Variants in CCK observed in about 807,000 individuals in gnomAD.
The protein encoded by CCK is cholecystokinin.
In CCK, 11 loss-of-function variants were observed where a neutral mutation model predicts 10.1. The observed-to-expected ratio is 1.09, with a 90% CI of 0.69 to 1.81. The LOEUF (loss-of-function observed/expected upper bound fraction) is 1.81, where lower values mean the gene tolerates loss of function less well. CCK is among the 40% of genes most tolerant of loss of function. CCK has a pLI of 0.00. For synonymous variants in CCK, 83 were observed against 71.9 expected (o/e 1.15, Z -0.78); for missense variants, 137 against 159.9 (o/e 0.86, Z 0.77).
Position 42,258,075 on chromosome 3 carries a change from T to C in CCK, c.*23A>G. 6.2e-7 allele frequency: 1 copy of C among 1,602,414 alleles called. No individual in the cohort carries two copies. Among genetic ancestry groups the C allele is most frequent in the Non-Finnish European group, 8.5e-7 (1 of 1,175,498 alleles). ...TCTGGGTTGGGAGGTTGCTTCCCGTTGGGCTGATGGCGGCTGGGTCCTCTA... is the reference window on the plus strand; with the variant it reads ...TCTGGGTTGGGAGGTTGCTTCCCGTCGGGCTGATGGCGGCTGGGTCCTCTA... On this transcript the variant is annotated 3_prime_UTR_variant, in exon 5 of 5. Coordinates refer to ENST00000396169, the MANE Select transcript of CCK (RefSeq NM_000729.6).
intron 4 of CCK, among the ~76,000 whole-genome samples, chr3:42,261,707 A>G (rs774070508): frequency 1.9e-4 from 29 of 152,020 alleles, no homozygotes; most frequent in Non-Finnish European, 3.7e-4. Flanking sequence ...CCTACATAGA[A>G]GAAAAACCAG....
chr3:42,261,608 C>CTTTTTTTTTTTTTTTTTTT (rs3073696), intron 4 of CCK, among the ~76,000 whole-genome samples: 1 of 145,620 alleles, frequency 6.9e-6, no homozygotes. Flanking sequence ...TGGTAATGAG[C>CTTTTTTTTTTTTTTTTTTT]TTTTTTTTTT....
At chr3:42,264,138 A>C (rs963085893) in intron 3 of CCK, among the ~76,000 whole-genome samples, 1 of 130,272 alleles carries the variant, frequency 7.7e-6, no homozygotes, top group Non-Finnish European at 1.7e-5. Flanking sequence ...TGTAGGAGCA[A>C]TAAATAAAGC....
chr3:42,264,579 C>T (rs1010474762), intron 3 of CCK, 118 bp downstream of exon 3: 2 of 151,996 alleles, frequency 1.3e-5, no homozygotes, highest in Non-Finnish European at 2.9e-5. Context: ...CTTTCGAGCT[C>T]TCGGAGGGAA....
intron 4 of CCK, among the ~76,000 whole-genome samples, chr3:42,259,788 T>C (rs1711187608): frequency 6.6e-6 from 1 of 152,154 alleles, no homozygotes; most frequent in Non-Finnish European, 1.5e-5. Context: ...TCCTGGGGTA[T>C]GAAATCAGCA....
Position 42,263,900 on chromosome 3 carries a change from T to A in CCK, c.-2-268A>T, listed in dbSNP as rs11571846. ...TTTCTGCCGTGTTGAGCAGAAGGAA[T>A]GTTTTTGCTTTCCTAAAGTTTGAGG... On this transcript the variant is annotated intron_variant, in intron 3 of 4. Transcript: ENST00000396169. 1.8e-3 allele frequency: 792 copies of A among 433,428 alleles called. 1 individual carries two copies. The highest frequency in any genetic ancestry group is 2.1e-3 in the Non-Finnish European group (535 of 251,508). The allele number at this position is 433,428 out of a possible 1,614,324, so 26.8% of individuals were successfully genotyped here. A position where few individuals can be genotyped will look rare whatever the true frequency, so the allele number is the denominator to read the frequency against.
rs116825550 is a variant in CCK at position 42,258,133 on chromosome 3, G to A, written c.313C>T (p.Arg105Cys). ...TACTCATACTCCTCGGCACTGCGAC[G>A]GCCAAAATCCATCCAGCCCATGTAG... is the stretch of plus-strand genomic sequence containing the variant. ...RDYMGWMDFG[R>C]RSAEEYEYPS Residue 105 changes from arginine (R) to cysteine (C), a missense_variant, in exon 5 of 5, where the codon CGT becomes TGT. Arg to Cys is a radical substitution (Grantham distance 180, BLOSUM62 -3). Coordinates refer to ENST00000396169, the MANE Select transcript of CCK (RefSeq NM_000729.6). 6.2e-6 allele frequency: 10 copies of A among 1,614,070 alleles called. No homozygotes were observed. Among genetic ancestry groups the A allele is most frequent in the Non-Finnish European group, 6.8e-6 (8 of 1,180,024 alleles).
In CCK at chr3:42,264,141, A is replaced by C. The variant is rs887873308; in HGVS notation, c.-2-509T>G. Among the ~76,000 whole-genome samples, 3 of 112,578 alleles carry C rather than the reference A, an allele frequency of 2.7e-5. No homozygotes were observed. In the South Asian group the frequency reaches 1.0e-3, roughly 39 times the overall value. 73.9% of individuals were successfully genotyped at this position (112,578 alleles called of 152,430 possible). On this transcript the variant is annotated intron_variant, in intron 3 of 4. Coordinates refer to ENST00000396169, the MANE Select transcript of CCK (RefSeq NM_000729.6). ...CACAGTTTAAAATGTAGGAGCAATA[A>C]ATAAAGCCGTATTTATAAAGTTTTT...
intron 4 of CCK, among the ~76,000 whole-genome samples, chr3:42,260,577 G>A (rs56374769): frequency 1.3e-5 from 2 of 152,304 alleles, no homozygotes; most frequent in Non-Finnish European, 1.5e-5. Flanking sequence ...TCCCAGTGCT[G>A]ACATAGAGTA....
intron 4 of CCK, among the ~76,000 whole-genome samples, chr3:42,260,142 C>T (rs1301365945): frequency 6.6e-6 from 1 of 152,212 alleles, no homozygotes; most frequent in Non-Finnish European, 1.5e-5. Context: ...CTCCCCAACC[C>T]CAACCCTTCC....
At chr3:42,263,167 T>C (rs1344839917) in intron 4 of CCK, 5 of 603,896 alleles carry the variant, frequency 8.3e-6, no homozygotes, top group East Asian at 5.8e-5. Context: ...CTTGGTAAAA[T>C]GGTGTTGAAC....
chr3:42,262,511 C>T (rs961364215), intron 4 of CCK, among the ~76,000 whole-genome samples: 1 of 152,178 alleles, frequency 6.6e-6, no homozygotes, highest in African/African-American at 2.4e-5. Flanking sequence ...TGAGCCACTG[C>T]TCCTGGCCTG....
chr3:42,258,279 A>T (rs1459378754), intron 4 of CCK, 48 bp from the exon 5 acceptor site: 5 of 1,594,340 alleles, frequency 3.1e-6, no homozygotes, highest in Non-Finnish European at 4.3e-6. Context: ...ATCTAAAAGC[A>T]TCTCTAGTTC....
intron 4 of CCK, among the ~76,000 whole-genome samples, chr3:42,260,748 T>A (rs775094889): frequency 2.6e-5 from 4 of 152,216 alleles, no homozygotes; most frequent in Non-Finnish European, 5.9e-5. Context: ...GGCTGCTGAA[T>A]CACCTTATTC....
Position 42,258,059 on chromosome 3 carries a change from G to C in CCK, c.*39C>G, listed in dbSNP as rs1711159343. Reference sequence around the variant, plus strand: ...TTCTTATTCTGCCTCCTCTGGGTTGGGAGGTTGCTTCCCGTTGGGCTGATG... The same window carrying C: ...TTCTTATTCTGCCTCCTCTGGGTTGCGAGGTTGCTTCCCGTTGGGCTGATG... On this transcript the variant is annotated 3_prime_UTR_variant, in exon 5 of 5. Transcript: ENST00000396169. The C allele has an allele frequency of 1.9e-6, 3 of 1,588,444 alleles. No homozygotes were observed. The highest frequency in any genetic ancestry group is 2.6e-6 in the Non-Finnish European group (3 of 1,168,136).
rs3774395 is a variant in CCK at position 42,258,163 on chromosome 3, G to A, written c.283C>T (p.Arg95Trp). Reference protein sequence around the residue: ...NLDPSHRISDRDYMGWMDFGR... With the variant: ...NLDPSHRISDWDYMGWMDFGR... The stretch of plus-strand genomic sequence containing the variant: ...AAATCCATCCAGCCCATGTAGTCCC[G>A]GTCACTTATCCTGTGGCTGGGGTCC... The change falls in exon 5 of 5, where the codon CGG (arginine) becomes TGG (tryptophan). Residue 95 changes from arginine to tryptophan, a missense_variant. Arg to Trp is a moderately radical substitution (Grantham distance 101). Transcript: ENST00000396169. 414 of 1,613,970 alleles carry A rather than the reference G, an allele frequency of 2.6e-4. 1 individual carries two copies. In the East Asian group the frequency reaches 8.3e-3, roughly 32 times the overall value.
chr3:42,259,669 G>C (rs944368776), intron 4 of CCK, among the ~76,000 whole-genome samples: 1 of 152,200 alleles, frequency 6.6e-6, no homozygotes, highest in East Asian at 1.9e-4. Flanking sequence ...AAGTCTTCAG[G>C]AACAGTGTGA....
chr3:42,259,686 TGTAGAGCTCACACTGAGTGA>T (rs946895015), intron 4 of CCK, among the ~76,000 whole-genome samples: 4 of 152,272 alleles, frequency 2.6e-5, no homozygotes, highest in African/African-American at 9.6e-5. Context: ...GTGATCCTTT[TGTAGAGCTCACACTGAGTGA>T]GCAGGGACAT....
chr3:42,260,451 G>A (rs11571861), intron 4 of CCK, among the ~76,000 whole-genome samples: 1 of 152,124 alleles, frequency 6.6e-6, no homozygotes, highest in Non-Finnish European at 1.5e-5. Flanking sequence ...CTCAGTTAAC[G>A]GTGGGGGCAC....
Sources: gnomAD v4.1 joint callset for allele counts (sites outside exome capture counted in the v4.1 genomes callset) on GRCh38, gnomAD v4.1.1 for gene constraint, MANE v1.5 for transcripts, NCBI Gene and HGNC (gene_info 2026-07-23, HGNC 2026-07-21) for gene names.